The following DLG2 variants were observed in gnomAD, a reference collection of about 807,000 sequenced individuals.
DLG2 encodes discs large MAGUK scaffold protein 2, also known as disks large homolog 2.
Under a neutral mutation model 132.5 loss-of-function variants are expected in DLG2, and 45 were observed. That is an observed-to-expected ratio of 0.34 (90% confidence interval 0.27 to 0.44). DLG2 has a LOEUF of 0.44. DLG2 is among the 20% of genes least tolerant of loss of function. The pLI is 1.00. For missense variants in DLG2, 1,045 were observed against 1,196.9 expected, an observed-to-expected ratio of 0.87 and a Z score of 1.87; for synonymous variants, 424 against 419.6, an observed-to-expected ratio of 1.01 and a Z score of -0.13.
intron 3 of DLG2, among the ~76,000 whole-genome samples, chr11:85,466,293 G>A (rs937839695): frequency 3.3e-5 from 5 of 152,168 alleles, no homozygotes; most frequent in African/African-American, 1.2e-4. Context: ...TTCTTTTGCT[G>A]TGCAGAAGCT....
At chr11:84,939,803 A>T (rs772651990) in intron 6 of DLG2, among the ~76,000 whole-genome samples, 2 of 152,160 alleles carry the variant, frequency 1.3e-5, no homozygotes, top group African/African-American at 2.4e-5. Context: ...TATGTAAAAC[A>T]TTTTATTTAT....
intron 6 of DLG2, among the ~76,000 whole-genome samples, chr11:84,764,819 A>C (rs1289319358): frequency 6.6e-6 from 1 of 152,048 alleles, no homozygotes; most frequent in Non-Finnish European, 1.5e-5. Context: ...GTAGCAAAGG[A>C]AAGAGAAGGT....
intron 3 of DLG2, among the ~76,000 whole-genome samples, chr11:85,548,751 C>T (rs1024140915): frequency 6.6e-6 from 1 of 152,100 alleles, no homozygotes; most frequent in African/African-American, 2.4e-5. Context: ...CGGTGGGCTC[C>T]CCACAATTTG....
At chr11:85,612,866 G>A (rs530738663) in intron 2 of DLG2, among the ~76,000 whole-genome samples, 1 of 152,210 alleles carries the variant, frequency 6.6e-6, no homozygotes, top group Admixed American at 6.5e-5. Context: ...CAGTTTGCAA[G>A]AAATAACAAA....
intron 6 of DLG2, among the ~76,000 whole-genome samples, chr11:84,739,854 A>T (rs931023484): frequency 9.2e-5 from 14 of 152,154 alleles, no homozygotes; most frequent in African/African-American, 3.4e-4. Context: ...TATTTTATTT[A>T]TGTTAAATAA....
intron 3 of DLG2, among the ~76,000 whole-genome samples, chr11:85,295,899 A>G (rs1013730974): frequency 7.2e-5 from 11 of 152,258 alleles, no homozygotes; most frequent in African/African-American, 2.4e-4. Flanking sequence ...GGATCTTTCC[A>G]GCTGATGAAT....
chr11:83,557,899 C>T (rs2096546887), intron 19 of DLG2, among the ~76,000 whole-genome samples: 2 of 152,038 alleles, frequency 1.3e-5, no homozygotes, highest in South Asian at 4.2e-4. Flanking sequence ...TTGCCTAGGA[C>T]AGATTTAGAT....
chr11:83,633,516 G>A (rs1208819065), intron 18 of DLG2, among the ~76,000 whole-genome samples, 191 bp from the exon 19 acceptor site: 5 of 151,972 alleles, frequency 3.3e-5, no homozygotes. Flanking sequence ...TGATAAATCA[G>A]TTATTTCCCA....
At chr11:85,475,162 T>C (rs928931093) in intron 3 of DLG2, among the ~76,000 whole-genome samples, 3 of 151,222 alleles carry the variant, frequency 2.0e-5, no homozygotes, top group East Asian at 2.0e-4. Flanking sequence ...ATAAATACAA[T>C]TTTTTTAAGT....
Position 84,495,511 on chromosome 11 carries a change from T to C in DLG2, c.519+39059A>G, listed in dbSNP as rs917415545. Among the ~76,000 whole-genome samples, 3 of 152,328 alleles carry C rather than the reference T, an allele frequency of 2.0e-5. No homozygotes were observed. The South Asian group carries it at 6.2e-4, about 32-fold the overall frequency. ...TCATAAGAAAAAGGACTGGGTCTTATTCATTTTATCACCAGGTCATTAGTT... is the reference window on the plus strand; with the variant it reads ...TCATAAGAAAAAGGACTGGGTCTTACTCATTTTATCACCAGGTCATTAGTT... On this transcript the variant is annotated intron_variant, in intron 7 of 27. Transcript: ENST00000376104.
chr11:84,372,549 T>C (rs1473780436), intron 7 of DLG2, among the ~76,000 whole-genome samples: 1 of 152,232 alleles, frequency 6.6e-6, no homozygotes. Flanking sequence ...ATTGCTTCAA[T>C]TTGTGGTTGC....
intron 4 of DLG2, among the ~76,000 whole-genome samples, chr11:85,172,776 A>G (rs1412312587): frequency 6.6e-6 from 1 of 152,204 alleles, no homozygotes; most frequent in Admixed American, 6.5e-5. Flanking sequence ...TAGTGGGAAC[A>G]TAATAGATCT....
chr11:84,831,062 TA>T (rs1051774605), intron 6 of DLG2, among the ~76,000 whole-genome samples: 6 of 144,690 alleles, frequency 4.1e-5, no homozygotes, highest in Non-Finnish European at 7.5e-5. Context: ...ACAGATCTCC[TA>T]AAAAAAACTG....
chr11:83,646,209 G>A (rs2068116916), intron 18 of DLG2, among the ~76,000 whole-genome samples: 1 of 152,114 alleles, frequency 6.6e-6, no homozygotes, highest in South Asian at 2.1e-4. Context: ...ACACCTTTCA[G>A]ACAAAAGCCA....
At chr11:85,027,894 C>T (rs1008667762) in intron 6 of DLG2, among the ~76,000 whole-genome samples, 4 of 152,036 alleles carry the variant, frequency 2.6e-5, no homozygotes, top group Non-Finnish European at 4.4e-5. Context: ...ATGTGGTAAG[C>T]GGGGGAGGGG....
chr11:84,972,952 T>G (rs1057474597), intron 6 of DLG2, among the ~76,000 whole-genome samples: 76 of 108,062 alleles, frequency 7.0e-4, no homozygotes, highest in African/African-American at 2.6e-3. Flanking sequence ...TTTTTTGGGT[T>G]TTTTTTTTTT....
chr11:84,411,507 A>G (rs1414686418), intron 7 of DLG2, among the ~76,000 whole-genome samples: 3 of 152,172 alleles, frequency 2.0e-5, no homozygotes, highest in African/African-American at 7.2e-5. Flanking sequence ...CTATAATGAG[A>G]AAGTGGGCAA....
intron 6 of DLG2, among the ~76,000 whole-genome samples, chr11:85,059,212 G>A (rs1024679900): frequency 6.6e-6 from 1 of 151,194 alleles, no homozygotes; most frequent in African/African-American, 2.4e-5. Context: ...GCTTCTTAAT[G>A]AGAGAAATAC....
intron 7 of DLG2, among the ~76,000 whole-genome samples, chr11:84,439,633 T>C (rs926049348): frequency 1.2e-4 from 19 of 152,196 alleles, no homozygotes; most frequent in South Asian, 8.3e-4. Flanking sequence ...CGAATAAATA[T>C]ACATGGTAAC....
Sources: allele counts gnomAD v4.1 joint callset (sites outside exome capture counted in the v4.1 genomes callset), GRCh38; gene constraint gnomAD v4.1.1; transcripts MANE v1.5; gene names NCBI Gene and HGNC (gene_info 2026-07-23, HGNC 2026-07-21).